Variants in DAB1 observed in about 807,000 individuals in gnomAD.
DAB1 encodes the protein disabled homolog 1.
Under a neutral mutation model 64.6 loss-of-function variants are expected in DAB1, and 15 were observed. That is an observed-to-expected ratio of 0.23 (90% confidence interval 0.16 to 0.36). The LOEUF is 0.36. Among genes scored for constraint, DAB1 ranks in the 10% least tolerant of loss-of-function variants. DAB1 has a pLI of 1.00. For synonymous variants in DAB1, 235 were observed against 251.9 expected (o/e 0.93, Z 0.64); for missense variants, 596 against 706.7 (o/e 0.84, Z 1.78).
intron 3 of DAB1, among the ~76,000 whole-genome samples, chr1:58,346,547 T>G (rs1432500796): frequency 1.3e-5 from 2 of 152,230 alleles, no homozygotes; most frequent in Non-Finnish European, 1.5e-5. Context: ...TAAGTAATCT[T>G]CTTCAGAAAT....
chr1:58,298,942 G>A lies in DAB1; in HGVS notation n.309+44410C>T, dbSNP rs555259230. Among the ~76,000 whole-genome samples the A allele has an allele frequency of 9.2e-5, 14 of 152,256 alleles. 1 individual carries two copies. The highest frequency in any genetic ancestry group is 3.4e-4 in the African/African-American group (14 of 41,548). On this transcript the variant is annotated intron_variant and non_coding_transcript_variant, in intron 4 of 20. Transcript: ENST00000485760. ...CAGTATAATTACTTCTCTCTTTTAT[G>A]TATATAAGAGTCACTAGGAAACACG... is the stretch of plus-strand genomic sequence containing the variant.
intron 4 of DAB1, among the ~76,000 whole-genome samples, chr1:58,306,351 T>C (rs1330525208): frequency 6.6e-6 from 1 of 152,126 alleles, no homozygotes; most frequent in South Asian, 2.1e-4. Flanking sequence ...AAATAATACA[T>C]TTAAATATCT....
At chr1:57,658,785 G>C (rs1313659339) in intron 6 of DAB1, among the ~76,000 whole-genome samples, 1 of 152,102 alleles carries the variant, frequency 6.6e-6, no homozygotes, top group East Asian at 1.9e-4. Flanking sequence ...GGCTAGGCTG[G>C]TCTCCAACTC....
chr1:58,313,304 T>C (rs1396001081), intron 4 of DAB1, among the ~76,000 whole-genome samples: 2 of 152,092 alleles, frequency 1.3e-5, no homozygotes, highest in Admixed American at 6.6e-5. Context: ...TTGGGGCTAG[T>C]AGTAGGTGGG....
intron 1 of DAB1, among the ~76,000 whole-genome samples, chr1:57,415,990 A>G (rs1684465789): frequency 6.6e-6 from 1 of 152,176 alleles, no homozygotes; most frequent in Non-Finnish European, 1.5e-5. Flanking sequence ...CCTAGGGTAG[A>G]TCAACTTCTA....
chr1:57,671,201 T>G lies in DAB1; in HGVS notation n.552-21536A>C, dbSNP rs1646506567. On this transcript the variant is annotated intron_variant and non_coding_transcript_variant, in intron 6 of 20. Transcript: ENST00000485760. ...ATAAAATTTGGTCAACATTTTGACC[T>G]TTTAATCAAAATGAGTTTCATATTT... Among the ~76,000 whole-genome samples, 5 of 152,284 alleles carry G rather than the reference T, an allele frequency of 3.3e-5. No individual in the cohort carries two copies. The South Asian group carries it at 8.3e-4, about 25-fold the overall frequency.
chr1:57,789,969 A>T (rs1447331907), intron 6 of DAB1, among the ~76,000 whole-genome samples: 1 of 152,176 alleles, frequency 6.6e-6, no homozygotes, highest in African/African-American at 2.4e-5. Flanking sequence ...AGAACCTCAC[A>T]TATACACCTT....
chr1:57,770,518 C>T (rs1649511877), intron 6 of DAB1, among the ~76,000 whole-genome samples: 2 of 152,070 alleles, frequency 1.3e-5, no homozygotes, highest in African/African-American at 4.8e-5. Context: ...CCTCACAAAG[C>T]ATTGGGATTG....
chr1:58,198,998 T>G (rs1048837533), intron 4 of DAB1, among the ~76,000 whole-genome samples: 1 of 152,096 alleles, frequency 6.6e-6, no homozygotes, highest in African/African-American at 2.4e-5. Context: ...TCACAGCTAC[T>G]GGGGAGGCTG....
chr1:57,222,775 G>A (rs1184206831), intron 2 of DAB1, among the ~76,000 whole-genome samples: 2 of 152,192 alleles, frequency 1.3e-5, no homozygotes, highest in Non-Finnish European at 2.9e-5. Flanking sequence ...GTGCATGTTG[G>A]TTGTAACTCC....
intron 3 of DAB1, among the ~76,000 whole-genome samples, chr1:58,355,064 T>C (rs1442894778): frequency 1.3e-5 from 2 of 152,226 alleles, no homozygotes; most frequent in Non-Finnish European, 1.5e-5. Context: ...ACGTCTCCTG[T>C]GTGCTGTTCT....
chr1:58,108,419 T>C (rs6694980), intron 5 of DAB1, among the ~76,000 whole-genome samples: 3,898 of 152,296 alleles, frequency 0.026, 71 homozygotes, highest in Non-Finnish European at 0.039. Flanking sequence ...AAACTAACAA[T>C]AGTGGATTTA....
At chr1:57,930,465 T>TA (rs1644938320) in intron 5 of DAB1, among the ~76,000 whole-genome samples, 1 of 152,252 alleles carries the variant, frequency 6.6e-6, no homozygotes, top group Admixed American at 6.5e-5. Flanking sequence ...TAGATCATAT[T>TA]AGGAAGATCT....
chr1:58,031,486 G>A (rs893102021), intron 5 of DAB1, among the ~76,000 whole-genome samples: 7 of 152,278 alleles, frequency 4.6e-5, no homozygotes, highest in South Asian at 2.1e-4. Context: ...AGGCATGAAC[G>A]TTTAACCGGA....
chr1:57,109,316 T>G (rs1240653629), intron 4 of DAB1, among the ~76,000 whole-genome samples: 1 of 152,166 alleles, frequency 6.6e-6, no homozygotes, highest in Non-Finnish European at 1.5e-5. Flanking sequence ...GCACCCAATT[T>G]ATGACATGAG....
chr1:57,003,606 C>A (rs1312501257), intron 14 of DAB1, among the ~76,000 whole-genome samples: 1 of 152,098 alleles, frequency 6.6e-6, no homozygotes, highest in African/African-American at 2.4e-5. Flanking sequence ...ATTACATTCA[C>A]AATGTTGTGC....
In DAB1 at chr1:57,136,567, G is replaced by T; in HGVS notation, c.282C>A (p.Ile94=). The change falls in exon 4 of 15, where the codon ATC becomes ATA. Residue 94 remains isoleucine (I), a synonymous_variant. Transcript: ENST00000371236. ...CCCCTGTCTTCTCATCAAAGATTTTGATTCCTCCAAAGGAGATGGTTAAAA... is the reference window on the plus strand; with the variant it reads ...CCCCTGTCTTCTCATCAAAGATTTTTATTCCTCCAAAGGAGATGGTTAAAA... The part of the protein sequence containing the change: ...KIFLTISFGG[I]KIFDEKTGAL... 1.3e-6 allele frequency: 2 copies of T among 1,509,300 alleles called. No individual in the cohort carries two copies. The highest frequency in any genetic ancestry group is 2.6e-5 in the South Asian group (2 of 76,874). 93.5% of individuals were successfully genotyped at this position (1,509,300 alleles called of 1,614,324 possible).
rs572030151 is a variant in DAB1 at position 58,542,742 on chromosome 1, C to T, written n.32+3961G>A. Reference sequence around the variant, plus strand: ...GATAAGCTTCAGACACTTGCCCAAGCACAAGTCCTTTTCCAAATGTGCATC... The same window carrying T: ...GATAAGCTTCAGACACTTGCCCAAGTACAAGTCCTTTTCCAAATGTGCATC... On this transcript the variant is annotated intron_variant and non_coding_transcript_variant, in intron 1 of 20. Coordinates refer to the DAB1 transcript ENST00000485760. Among the ~76,000 whole-genome samples the T allele has an allele frequency of 2.6e-5, 4 of 152,312 alleles. No homozygotes were observed. The East Asian group carries it at 5.8e-4, about 22-fold the overall frequency.
intron 4 of DAB1, among the ~76,000 whole-genome samples, chr1:58,193,026 T>C (rs937026993): frequency 6.6e-6 from 1 of 152,212 alleles, no homozygotes; most frequent in Non-Finnish European, 1.5e-5. Flanking sequence ...CTAATATTTA[T>C]TATTTGCTAT....
Sources: allele counts gnomAD v4.1 joint callset (sites outside exome capture counted in the v4.1 genomes callset), GRCh38; gene constraint gnomAD v4.1.1; transcripts MANE v1.5; gene names NCBI Gene and HGNC (gene_info 2026-07-23, HGNC 2026-07-21).